Variants in SHANK2 observed in about 807,000 individuals in gnomAD.
The protein encoded by SHANK2 is SH3 and multiple ankyrin repeat domains 2.
Under a neutral mutation model 133.7 loss-of-function variants are expected in SHANK2, and 43 were observed. That is an observed-to-expected ratio of 0.32 (90% CI 0.25 to 0.41). SHANK2 has a LOEUF of 0.41. Among genes scored for constraint, SHANK2 ranks in the 10% least tolerant of loss-of-function variants. The pLI, the probability that SHANK2 is intolerant of heterozygous loss-of-function variation, is 1.00. For synonymous variants in SHANK2, 1,017 were observed against 952.8 expected (o/e 1.07, Z -1.24); for missense variants, 1,994 against 2,235.8 (o/e 0.89, Z 2.18).
At chr11:70,658,559 G>C (rs1232508152) in intron 17 of SHANK2, among the ~76,000 whole-genome samples, 2 of 152,178 alleles carry the variant, frequency 1.3e-5, no homozygotes, top group African/African-American at 4.8e-5. Flanking sequence ...GCAAATCAAA[G>C]AGATCAACAT....
chr11:70,596,229 G>A (rs370527792), intron 17 of SHANK2, among the ~76,000 whole-genome samples: 15 of 152,322 alleles, frequency 9.8e-5, no homozygotes, highest in African/African-American at 3.6e-4. Flanking sequence ...TGGGGCACCT[G>A]GGCCAGGGCT....
chr11:70,641,100 TTC>T (rs2061173661), intron 17 of SHANK2, among the ~76,000 whole-genome samples: 1 of 124,190 alleles, frequency 8.1e-6, no homozygotes, highest in African/African-American at 2.7e-5. Flanking sequence ...TTTTTTTCTT[TTC>T]TTTTTTTTTT....
Position 70,502,671 on chromosome 11 carries a change from CTGGGCT to C in SHANK2, c.2197+119_2197+124del, listed in dbSNP as rs1451014223. On this transcript the variant is annotated intron_variant, in intron 18 of 25. Transcript: ENST00000601538. Reference sequence around the variant, plus strand: ...GTAAATTCCAGCCTCACCCCTGTGCCTGGGCTCTCAGAAGTGTGGGATCAGCTGGAG... The same window carrying C: ...GTAAATTCCAGCCTCACCCCTGTGCCCTCAGAAGTGTGGGATCAGCTGGAG... 3.7e-5 allele frequency: 43 copies of C among 1,152,698 alleles called. No individual in the cohort carries two copies. The Admixed American group carries it at 9.2e-4, about 25-fold the overall frequency. The allele number at this position is 1,152,698 out of a possible 1,614,324, so 71.4% of individuals were successfully genotyped here.
chr11:70,924,002 C>T (rs781913348), intron 10 of SHANK2, among the ~76,000 whole-genome samples: 111 of 152,208 alleles, frequency 7.3e-4, no homozygotes, highest in Non-Finnish European at 6.8e-4. Flanking sequence ...CAGTGAGCCC[C>T]GTGTCTGCTC....
intron 2 of SHANK2, among the ~76,000 whole-genome samples, chr11:71,224,028 C>T (rs185428940): frequency 1.3e-5 from 2 of 152,350 alleles, no homozygotes; most frequent in East Asian, 1.9e-4. Flanking sequence ...AGTGTGTGGT[C>T]AAGCCAAGCT....
rs1565530220 is a variant in SHANK2, at chr11:70,487,326, G to A, written c.2967C>T (p.Tyr989=). 2 of 1,614,190 alleles carry A rather than the reference G, an allele frequency of 1.2e-6. No homozygotes were observed. The highest frequency in any genetic ancestry group is 8.5e-7 in the Non-Finnish European group (1 of 1,180,030). ...TGCTGGCGATCTTCCCCACCTCTGA[G>A]TATGGGTTTTCTGGCATCTGGCCTC... ...NKRGQMPENP[Y]SEVGKIASKA... Residue 989 remains tyrosine (Y), a synonymous_variant, in exon 25 of 26, where the codon TAC becomes TAT. Transcript: ENST00000601538. This position sits in a 1 kb window ranked among gnomAD's most constrained non-coding sequence, Gnocchi z 5.8.
At chr11:70,489,579 G>A (rs1180123745) in intron 23 of SHANK2, 1 of 576,558 alleles carries the variant, frequency 1.7e-6, no homozygotes, top group Non-Finnish European at 3.1e-6. Context: ...CCCCTGGGGT[G>A]GGCTGGGCAG....
intron 17 of SHANK2, among the ~76,000 whole-genome samples, chr11:70,524,090 T>A (rs2059365599): frequency 6.6e-6 from 1 of 152,160 alleles, no homozygotes; most frequent in Non-Finnish European, 1.5e-5. Context: ...CTTCACATAG[T>A]TACACCATTC....
intron 17 of SHANK2, among the ~76,000 whole-genome samples, chr11:70,602,147 G>A (rs1017349256): frequency 6.6e-6 from 1 of 152,162 alleles, no homozygotes; most frequent in Non-Finnish European, 1.5e-5. Context: ...TGCTTCTGCT[G>A]TGTGAACTGC....
chr11:71,149,163 G>A (rs561780642), intron 2 of SHANK2, among the ~76,000 whole-genome samples: 14 of 152,330 alleles, frequency 9.2e-5, no homozygotes, highest in Admixed American at 2.0e-4. Flanking sequence ...AAAATATGCT[G>A]CCTGGGCATA....
chr11:71,064,121 C>T (rs932988354), intron 9 of SHANK2, among the ~76,000 whole-genome samples: 2 of 152,200 alleles, frequency 1.3e-5, no homozygotes, highest in Non-Finnish European at 2.9e-5. Context: ...AGCCACTCAT[C>T]GATGCATGCA....
At chr11:70,552,222 G>C (rs1554978291) in intron 17 of SHANK2, among the ~76,000 whole-genome samples, 1 of 152,154 alleles carries the variant, frequency 6.6e-6, no homozygotes. Context: ...GTACAGCCAG[G>C]CTGCCTGCGA....
chr11:70,952,142 A>T (rs1950853588), intron 10 of SHANK2, among the ~76,000 whole-genome samples: 1 of 152,192 alleles, frequency 6.6e-6, no homozygotes, highest in Non-Finnish European at 1.5e-5. Flanking sequence ...AACCCAAGCC[A>T]GATTTAAACC....
intron 11 of SHANK2, among the ~76,000 whole-genome samples, chr11:70,831,673 T>TGATG (rs1948727651): frequency 1.3e-5 from 2 of 152,262 alleles, no homozygotes; most frequent in Non-Finnish European, 2.9e-5. Context: ...AAAAAAGCTC[T>TGATG]TCACACATCA....
chr11:70,537,797 G>T (rs2059564597), intron 17 of SHANK2, among the ~76,000 whole-genome samples: 1 of 152,240 alleles, frequency 6.6e-6, no homozygotes, highest in Admixed American at 6.5e-5. Context: ...TCGACATTCT[G>T]CTGGCAACAG....
At chr11:70,605,240 G>A (rs1565171975) in intron 17 of SHANK2, among the ~76,000 whole-genome samples, 1 of 152,218 alleles carries the variant, frequency 6.6e-6, no homozygotes, top group Non-Finnish European at 1.5e-5. Context: ...TCCCTGCTAG[G>A]CCTGGCCACT....
At chr11:70,599,124 T>A (rs2060442163) in intron 17 of SHANK2, among the ~76,000 whole-genome samples, 1 of 151,806 alleles carries the variant, frequency 6.6e-6, no homozygotes. Flanking sequence ...ATAAGAGAAT[T>A]CAGCAAAGTG....
At chr11:70,752,903 C>T (rs1946786188) in intron 14 of SHANK2, among the ~76,000 whole-genome samples, 1 of 152,028 alleles carries the variant, frequency 6.6e-6, no homozygotes, top group African/African-American at 2.4e-5. Context: ...CACGTGAGGT[C>T]AGGAGTTTGA....
intron 22 of SHANK2, 88 bp downstream of exon 22, chr11:70,492,247 C>G: frequency 6.4e-7 from 1 of 1,569,462 alleles, no homozygotes; most frequent in Admixed American, 1.7e-5. Context: ...GACATGAAAG[C>G]GTGTGCACCT....
Sources: allele counts gnomAD v4.1 joint callset (sites outside exome capture counted in the v4.1 genomes callset), GRCh38; gene constraint gnomAD v4.1.1; non-coding constraint Gnocchi (gnomAD v3.1); transcripts MANE v1.5; gene names NCBI Gene and HGNC (gene_info 2026-07-23, HGNC 2026-07-21).